The following OVCH1 variants were observed in gnomAD, a reference collection of about 807,000 sequenced individuals.
OVCH1 encodes the protein ovochymase 1, also known as ovochymase-1.
A neutral mutation model predicts 138.4 loss-of-function variants in OVCH1; 139 were observed. That is an observed-to-expected ratio of 1.00 (90% CI 0.87 to 1.16). The LOEUF (loss-of-function observed/expected upper bound fraction) is 1.16, where lower values mean the gene tolerates loss of function less well. OVCH1 is among the 50% of genes most tolerant of loss of function. The pLI is 0.00. For synonymous variants in OVCH1, 453 were observed against 467.8 expected (o/e 0.97, Z 0.41); for missense variants, 1,367 against 1,357.9 (o/e 1.01, Z -0.11).
chr12:29,448,811 C>T (rs1941688999), intron 22 of OVCH1, among the ~76,000 whole-genome samples: 1 of 152,088 alleles, frequency 6.6e-6, no homozygotes, highest in Non-Finnish European at 1.5e-5. Flanking sequence ...AGAAAACAAC[C>T]CCACCCTCAG....
intron 21 of OVCH1, among the ~76,000 whole-genome samples, chr12:29,451,802 G>A (rs567308404): frequency 3.3e-5 from 5 of 152,226 alleles, no homozygotes; most frequent in African/African-American, 9.6e-5. Context: ...AGTTTTAAAT[G>A]AATTTTTAAA....
At chr12:29,475,503 C>G (rs998624821) in intron 13 of OVCH1, among the ~76,000 whole-genome samples, 3 of 151,952 alleles carry the variant, frequency 2.0e-5, no homozygotes, top group African/African-American at 4.8e-5. Context: ...TTGGTGTATT[C>G]CTTCTTCCAA....
downstream of OVCH1, among the ~76,000 whole-genome samples, chr12:29,424,427 G>T (rs1409339560): frequency 6.6e-6 from 1 of 152,196 alleles, no homozygotes; most frequent in African/African-American, 2.4e-5. Context: ...TTGTTTTGGG[G>T]CCAGTTCATG....
At chr12:29,411,587 G>C (rs887668719), downstream of OVCH1, among the ~76,000 whole-genome samples, 3 of 152,104 alleles carry the variant, frequency 2.0e-5, no homozygotes, top group Non-Finnish European at 2.9e-5. Context: ...CTGTTTGCCT[G>C]GGTATCAGCA....
rs759541069 is a variant in OVCH1 at position 29,489,785 on chromosome 12, A to T, written c.551-14T>A. On this transcript the variant is annotated splice_polypyrimidine_tract_variant and intron_variant, in intron 5 of 27. Transcript: ENST00000318184. ...AATATTCTGATGCTGTAGAGAGAGG[A>T]CAGATAAGTTAGCACACAATATCCT... is the stretch of plus-strand genomic sequence containing the variant. 3.1e-6 allele frequency: 5 copies of T among 1,605,312 alleles called. No individual in the cohort carries two copies. In the East Asian group the frequency reaches 8.9e-5, roughly 29 times the overall value.
At chr12:29,431,704 A>G (rs1001397728) in intron 27 of OVCH1, among the ~76,000 whole-genome samples, 6 of 152,244 alleles carry the variant, frequency 3.9e-5, no homozygotes, top group Non-Finnish European at 7.3e-5. Context: ...TAAGAACACA[A>G]AATGAGTCAG....
At chr12:29,443,564 G>T in intron 24 of OVCH1, 64 bp from the exon 25 acceptor site, 1 of 1,424,162 alleles carries the variant, frequency 7.0e-7, no homozygotes, top group Non-Finnish European at 9.4e-7. Flanking sequence ...TAGTTATTTT[G>T]CTCAGAAATT....
chr12:29,421,304 AT>A (rs1180563350), intron 3 of OVCH1, among the ~76,000 whole-genome samples: 2 of 152,210 alleles, frequency 1.3e-5, no homozygotes, highest in Non-Finnish European at 1.5e-5. Context: ...TTCTATTGTT[AT>A]CCCTTAGAAA....
chr12:29,491,795 CA>C (rs1943279647), intron 4 of OVCH1, among the ~76,000 whole-genome samples: 1 of 151,872 alleles, frequency 6.6e-6, no homozygotes, highest in Non-Finnish European at 1.5e-5. Flanking sequence ...GAATGGATCT[CA>C]AAAAAATCTA....
the OVCH1 span, among the ~76,000 whole-genome samples, chr12:29,405,021 C>CA: frequency 3.5e-3 from 284 of 80,294 alleles, 26 homozygotes; most frequent in African/African-American, 6.8e-3. Context: ...CACTCCACCT[C>CA]AAAAAAAAAA....
chr12:29,410,751 C>A (rs762163492), downstream of OVCH1, among the ~76,000 whole-genome samples: 6 of 151,742 alleles, frequency 4.0e-5, no homozygotes, highest in Middle Eastern at 3.4e-3. Context: ...ACATTTTTTC[C>A]TTCATTCCAA....
the OVCH1 span, among the ~76,000 whole-genome samples, chr12:29,404,398 T>C: frequency 9.9e-5 from 15 of 152,204 alleles, no homozygotes; most frequent in South Asian, 2.1e-4. Flanking sequence ...TAACCCCAAC[T>C]GCAGAGGATG....
intron 3 of OVCH1, among the ~76,000 whole-genome samples, chr12:29,414,722 C>A (rs965293848): frequency 1.8e-4 from 28 of 152,006 alleles, no homozygotes; most frequent in African/African-American, 6.3e-4. Flanking sequence ...TATTTTAAGG[C>A]AATCCTAGAC....
intron 8 of OVCH1, among the ~76,000 whole-genome samples, chr12:29,485,145 T>G (rs1943052472): frequency 6.6e-6 from 1 of 151,926 alleles, no homozygotes; most frequent in Non-Finnish European, 1.5e-5. Flanking sequence ...CTGAGGCGGT[T>G]GCATCACTTG....
chr12:29,466,723 TC>T (rs1325911298), intron 16 of OVCH1, among the ~76,000 whole-genome samples: 5 of 152,144 alleles, frequency 3.3e-5, no homozygotes, highest in African/African-American at 1.2e-4. Flanking sequence ...CTGATACACC[TC>T]AAAATGATGT....
intron 3 of OVCH1, among the ~76,000 whole-genome samples, chr12:29,413,679 C>T (rs1940992752): frequency 1.3e-5 from 2 of 152,178 alleles, no homozygotes; most frequent in South Asian, 4.2e-4. Context: ...TACACACACA[C>T]ACACACACAC....
chr12:29,435,873 T>C (rs751479101), intron 26 of OVCH1, among the ~76,000 whole-genome samples: 3 of 152,130 alleles, frequency 2.0e-5, no homozygotes, highest in Non-Finnish European at 2.9e-5. Context: ...TTTTCCTCCT[T>C]CTTTTCCCTA....
rs553548180 is a variant in OVCH1, at chr12:29,441,119, T to A, written c.3158-1685A>T. ...TCCCATGGTGTCCAGAAATGTTGGT[T>A]GACCACCCAAAATCCTTGTGGGTTG... On this transcript the variant is annotated intron_variant, in intron 25 of 27. Transcript: ENST00000318184. Among the ~76,000 whole-genome samples, 16 of 152,306 alleles carry A rather than the reference T, an allele frequency of 1.1e-4. No individual in the cohort carries two copies. The East Asian group carries it at 3.1e-3, about 29-fold the overall frequency.
rs1168097893 is a variant in OVCH1, at chr12:29,439,429, A to ATC, written c.3162_3163insGA (p.Phe1055AspfsTer8). On this transcript the variant is annotated frameshift_variant, in exon 26 of 28. Coordinates refer to ENST00000318184, the Ensembl canonical transcript of OVCH1. LOFTEE classifies it high-confidence loss of function. ...AGTATCATTGCCAGAGTTCCAGCGA[A>ATC]TGAAGCTAAGATGGTCTGAGAAAAA... 18 of 1,518,624 alleles carry ATC rather than the reference A, an allele frequency of 1.2e-5. No homozygotes were observed. Among genetic ancestry groups the ATC allele is most frequent in the Non-Finnish European group, 1.6e-5 (18 of 1,136,626 alleles). 94.1% of individuals were successfully genotyped at this position (1,518,624 alleles called of 1,614,324 possible).
Sources: gnomAD v4.1 joint callset for allele counts (sites outside exome capture counted in the v4.1 genomes callset) on GRCh38, gnomAD v4.1.1 for gene constraint, MANE v1.5 for transcripts, NCBI Gene and HGNC (gene_info 2026-07-23, HGNC 2026-07-21) for gene names.